TBC1D5: variants seen among roughly 807,000 people sequenced by gnomAD.
The protein encoded by TBC1D5 is TBC1 domain family member 5, also known as TBC1 domain family, member 5.
A neutral mutation model predicts 100.3 loss-of-function variants in TBC1D5; 75 were observed. The observed-to-expected ratio is 0.75, with a 90% CI of 0.62 to 0.91. The LOEUF is 0.91. Ranked by LOEUF, TBC1D5 falls within the 40% of genes least tolerant of loss-of-function variation. The pLI is 0.00. For missense variants in TBC1D5, 910 were observed against 942.4 expected, an observed-to-expected ratio of 0.97 and a Z score of 0.45; for synonymous variants, 323 against 325.6, an observed-to-expected ratio of 0.99 and a Z score of 0.09.
intron 15 of TBC1D5, among the ~76,000 whole-genome samples, chr3:17,275,747 G>A (rs899509806): frequency 1.3e-5 from 2 of 152,156 alleles, no homozygotes; most frequent in Non-Finnish European, 2.9e-5. Flanking sequence ...AGGCACATAT[G>A]GGCAAAGCCA....
At chr3:17,688,760 C>T (rs1208530831) in intron 1 of TBC1D5, among the ~76,000 whole-genome samples, 3 of 152,234 alleles carry the variant, frequency 2.0e-5, no homozygotes, top group Non-Finnish European at 2.9e-5. Flanking sequence ...ATATTGATTA[C>T]TTTGCTCATC....
intron 4 of TBC1D5, among the ~76,000 whole-genome samples, chr3:17,419,684 T>C (rs2094162631): frequency 6.6e-6 from 1 of 152,048 alleles, no homozygotes; most frequent in African/African-American, 2.4e-5. Context: ...TTTGTTTTTA[T>C]TTTTGTCTTG....
intron 16 of TBC1D5, among the ~76,000 whole-genome samples, chr3:17,251,860 C>T (rs1182651931): frequency 6.6e-6 from 1 of 152,096 alleles, no homozygotes; most frequent in Admixed American, 6.5e-5. Flanking sequence ...CTTAAATAAC[C>T]AGAAATTGCT....
At chr3:17,288,943 A>G (rs2081434391) in intron 15 of TBC1D5, among the ~76,000 whole-genome samples, 1 of 152,230 alleles carries the variant, frequency 6.6e-6, no homozygotes, top group African/African-American at 2.4e-5. Flanking sequence ...GAGTGAGGCA[A>G]GGGACTGACA....
intron 3 of TBC1D5, among the ~76,000 whole-genome samples, chr3:17,455,165 TACACACACACACACAC>T (rs549322724): frequency 7.1e-6 from 1 of 140,816 alleles, no homozygotes; most frequent in African/African-American, 2.7e-5. Context: ...AAAAAAAGTA[TACACACACACACACAC>T]ACGTGTGTGT....
At chr3:17,656,064 C>G (rs1054106324) in intron 1 of TBC1D5, among the ~76,000 whole-genome samples, 1 of 152,200 alleles carries the variant, frequency 6.6e-6, no homozygotes, top group Admixed American at 6.5e-5. Flanking sequence ...CACTCAGTAG[C>G]CTTTGCCTAG....
chr3:17,167,925 C>A, intron 19 of TBC1D5, 97 bp from the exon 21 acceptor site: 1 of 827,672 alleles, frequency 1.2e-6, no homozygotes, highest in Non-Finnish European at 1.9e-6. Flanking sequence ...AGTTTTCTGC[C>A]AAATCTCACA....
intron 2 of TBC1D5, among the ~76,000 whole-genome samples, chr3:17,572,256 G>A (rs2096631754): frequency 6.7e-6 from 1 of 150,076 alleles, no homozygotes. Context: ...TGGGAGATCT[G>A]AATTATCATG....
At chr3:17,490,465 T>C (rs1212656901) in intron 3 of TBC1D5, among the ~76,000 whole-genome samples, 1 of 152,184 alleles carries the variant, frequency 6.6e-6, no homozygotes, top group African/African-American at 2.4e-5. Context: ...TTTCACAGTT[T>C]CATAGTTTAA....
At chr3:17,692,086 CA>C (rs2071257533) in intron 1 of TBC1D5, among the ~76,000 whole-genome samples, 1 of 151,068 alleles carries the variant, frequency 6.6e-6, no homozygotes, top group African/African-American at 2.5e-5. Flanking sequence ...AAATAAAAAA[CA>C]TAAGTACTTT....
chr3:17,605,772 CTAAGTT>C (rs1236082514), intron 2 of TBC1D5, among the ~76,000 whole-genome samples: 8 of 151,958 alleles, frequency 5.3e-5, no homozygotes, highest in South Asian at 2.1e-4. Flanking sequence ...TATGAGACTT[CTAAGTT>C]TAAGGGGGAA....
In TBC1D5 at chr3:17,443,855, T is replaced by C. The variant is rs191769290; in HGVS notation, c.98-15336A>G. Among the ~76,000 whole-genome samples the C allele has an allele frequency of 3.3e-5, 5 of 152,246 alleles. No homozygotes were observed. The East Asian group carries it at 7.7e-4, about 24-fold the overall frequency. On this transcript the variant is annotated intron_variant, in intron 3 of 21. Transcript: ENST00000253692. ...AACTGAAAGATCAACAAAAGTTATA[T>C]ACAATCTGAAGAACAAAGAAAAACA...
chr3:17,371,200 T>C (rs746248465), intron 13 of TBC1D5, among the ~76,000 whole-genome samples: 1 of 152,114 alleles, frequency 6.6e-6, no homozygotes, highest in Non-Finnish European at 1.5e-5. Flanking sequence ...TTATGGTCTC[T>C]GAGAGGCATC....
intron 9 of TBC1D5, among the ~76,000 whole-genome samples, chr3:17,377,772 T>C (rs1266932788): frequency 6.6e-6 from 1 of 152,024 alleles, no homozygotes; most frequent in African/African-American, 2.4e-5. Flanking sequence ...ACTTCATGTA[T>C]AAGTTATCAC....
intron 16 of TBC1D5, among the ~76,000 whole-genome samples, chr3:17,253,623 CAT>C (rs926466189): frequency 2.0e-5 from 3 of 152,170 alleles, no homozygotes; most frequent in African/African-American, 7.2e-5. Flanking sequence ...CAAATTCGCT[CAT>C]GTCTCTTTAG....
At chr3:17,545,878 T>C (rs2096410009) in intron 2 of TBC1D5, among the ~76,000 whole-genome samples, 1 of 152,188 alleles carries the variant, frequency 6.6e-6, no homozygotes, top group Non-Finnish European at 1.5e-5. Context: ...TCACCCTTCC[T>C]TTTATGTAAT....
chr3:17,568,307 T>C (rs1245348956), intron 2 of TBC1D5, among the ~76,000 whole-genome samples: 2 of 151,480 alleles, frequency 1.3e-5, no homozygotes, highest in African/African-American at 2.4e-5. Flanking sequence ...ATTCTAATTC[T>C]TTATAACCAT....
At chr3:17,384,271 T>C (rs961737594) in intron 8 of TBC1D5, among the ~76,000 whole-genome samples, 5 of 152,136 alleles carry the variant, frequency 3.3e-5, no homozygotes, top group Non-Finnish European at 5.9e-5. Flanking sequence ...TTCACACATA[T>C]GTGAATATGA....
intron 3 of TBC1D5, among the ~76,000 whole-genome samples, chr3:17,455,513 T>C (rs965346140): frequency 2.9e-5 from 3 of 101,764 alleles, no homozygotes; most frequent in African/African-American, 1.4e-4. Context: ...TGTGTGTGTG[T>C]ATATATATAT....
Sources: allele counts gnomAD v4.1 joint callset (sites outside exome capture counted in the v4.1 genomes callset), GRCh38; gene constraint gnomAD v4.1.1; transcripts MANE v1.5; gene names NCBI Gene and HGNC (gene_info 2026-07-23, HGNC 2026-07-21).